ZNF532: variants seen among roughly 807,000 people sequenced by gnomAD.
The protein encoded by ZNF532 is zinc finger protein 532.
In ZNF532, 22 loss-of-function variants were observed where a neutral mutation model predicts 89.3. The observed-to-expected ratio is 0.25, with a 90% CI of 0.18 to 0.35. ZNF532 has a LOEUF of 0.35. Among genes scored for constraint, ZNF532 ranks in the 10% least tolerant of loss-of-function variants. The probability of loss-of-function intolerance (pLI) is 1.00; values close to 1 mark genes in which losing one functional copy is unlikely to be tolerated. For synonymous variants in ZNF532, 606 were observed against 649.6 expected (o/e 0.93, Z 1.02); for missense variants, 1,132 against 1,643.4 (o/e 0.69, Z 5.38).
intron 7 of ZNF532, among the ~76,000 whole-genome samples, chr18:58,960,725 AG>A (rs1402861898): frequency 1.3e-5 from 2 of 152,104 alleles, no homozygotes; most frequent in Non-Finnish European, 2.9e-5. Flanking sequence ...GTAGTGCAGG[AG>A]GGCCTGGGTG....
chr18:58,938,507 G>C (rs1313355561), intron 4 of ZNF532, among the ~76,000 whole-genome samples: 2 of 152,192 alleles, frequency 1.3e-5, no homozygotes, highest in East Asian at 3.9e-4. Context: ...TTTTTTTAGA[G>C]ATGCTGAATT....
chr18:58,939,324 C>A, intron 4 of ZNF532, 121 bp from the exon 5 acceptor site: 108 of 350,338 alleles, frequency 3.1e-4, no homozygotes, highest in East Asian at 7.7e-4. Context: ...CTAAAATATA[C>A]TTCCGAAGGG....
rs553757693 is a variant in ZNF532 at position 58,885,824 on chromosome 18, A to C, written c.-18+20245A>C. 6.6e-5 allele frequency among the ~76,000 whole-genome samples: 10 copies of C among 150,650 alleles called. No homozygotes were observed. The South Asian group carries it at 1.9e-3, about 29-fold the overall frequency. On this transcript the variant is annotated intron_variant, in intron 2 of 9. Coordinates refer to ENST00000591808, the MANE Select transcript of ZNF532 (RefSeq NM_001375912.1). ...AGCCGAAATCGCATCATCGTACTCCAGCCTGGGTCGAGACAATGTCTCAAA... is the reference window on the plus strand; with the variant it reads ...AGCCGAAATCGCATCATCGTACTCCCGCCTGGGTCGAGACAATGTCTCAAA...
chr18:58,974,855 A>G (rs1395341179), intron 7 of ZNF532, among the ~76,000 whole-genome samples: 1 of 152,188 alleles, frequency 6.6e-6, no homozygotes, highest in African/African-American at 2.4e-5. Context: ...GGTAAAGTGC[A>G]GTGTTTTTTG....
At chr18:58,952,999 C>A (rs2064370560) in intron 6 of ZNF532, among the ~76,000 whole-genome samples, 1 of 152,190 alleles carries the variant, frequency 6.6e-6, no homozygotes, top group East Asian at 1.9e-4. Flanking sequence ...AGCAAAAACC[C>A]AGACTGTTAC....
At chr18:58,940,958 A>ACT (rs2062954291) in intron 5 of ZNF532, among the ~76,000 whole-genome samples, 1 of 131,702 alleles carries the variant, frequency 7.6e-6, no homozygotes, top group African/African-American at 2.8e-5. Context: ...ACACACACAC[A>ACT]CTCTTTCTCT....
chr18:58,979,295 T>C, intron 8 of ZNF532, 128 bp downstream of exon 8: 1 of 583,672 alleles, frequency 1.7e-6, no homozygotes, highest in Non-Finnish European at 2.9e-6. Flanking sequence ...AATTGTATTA[T>C]TGTTTTGGCA....
chr18:58,937,152 T>C (rs4940432), intron 4 of ZNF532, among the ~76,000 whole-genome samples: 78,143 of 152,092 alleles, frequency 0.51, 21,464 homozygotes, highest in African/African-American at 0.69. Context: ...ATACTGTAAA[T>C]ATTTTTTTTA....
chr18:58,934,288 G>T, intron 3 of ZNF532, 145 bp from the exon 4 acceptor site: 1 of 696,850 alleles, frequency 1.4e-6, no homozygotes, highest in Non-Finnish European at 2.4e-6. Context: ...TAACTTTCAA[G>T]TTGGCTTTTC....
At chr18:58,890,228 G>GAA (rs1379048690) in intron 2 of ZNF532, among the ~76,000 whole-genome samples, 2 of 150,358 alleles carry the variant, frequency 1.3e-5, no homozygotes, top group African/African-American at 2.4e-5. Context: ...GCCTGGGGAG[G>GAA]AAAAATATAT....
intron 2 of ZNF532, among the ~76,000 whole-genome samples, chr18:58,880,138 CAGG>C (rs1393603796): frequency 6.6e-6 from 1 of 152,052 alleles, no homozygotes; most frequent in African/African-American, 2.4e-5. Flanking sequence ...GAACACTTAC[CAGG>C]AGAAGAAAGT....
At chr18:58,920,735 CG>C (rs1257786995) in intron 3 of ZNF532, 102 bp downstream of exon 3, 2 of 419,294 alleles carry the variant, frequency 4.8e-6, no homozygotes, top group Admixed American at 3.8e-5. Context: ...GTGAAATGGA[CG>C]TGTGTGTGTG....
chr18:58,927,305 C>A (rs2061604521), intron 3 of ZNF532, among the ~76,000 whole-genome samples: 1 of 152,064 alleles, frequency 6.6e-6, no homozygotes, highest in Non-Finnish European at 1.5e-5. Flanking sequence ...TTGGCTGCAC[C>A]TCTACTTTGC....
At position 58,948,001 on chromosome 18, in the gene ZNF532, A is replaced by G. The variant is rs573723245; in HGVS notation, c.2706-66A>G. On this transcript the variant is annotated intron_variant, in intron 5 of 9. Transcript: ENST00000591808. Reference sequence around the variant, plus strand: ...TCTGCCTCCCAAGTTCTTCAGCTATAAAGTAGCAGATCCTTTGACTTAAAG... The same window carrying G: ...TCTGCCTCCCAAGTTCTTCAGCTATGAAGTAGCAGATCCTTTGACTTAAAG... The G allele has an allele frequency of 1.2e-4, 179 of 1,485,664 alleles. 1 individual carries two copies. The East Asian group carries it at 2.2e-3, about 18-fold the overall frequency. The allele number at this position is 1,485,664 out of a possible 1,614,324, so 92.0% of individuals were successfully genotyped here. A position where few individuals can be genotyped will look rare whatever the true frequency, so the allele number is the denominator to read the frequency against.
At chr18:58,963,603 ATGTGTGTGTGTGTGTGTGTGTG>A (rs60644289) in intron 7 of ZNF532, among the ~76,000 whole-genome samples, 106 of 143,882 alleles carry the variant, frequency 7.4e-4, no homozygotes, top group African/African-American at 2.4e-3. Context: ...AAAGAAAAAA[ATGTGTGTGTGTGTGTGTGTGTG>A]TGTGTGTGTG....
rs2062217183 is a variant in ZNF532, at chr18:58,934,622, T to A, written c.2528+8T>A. ...GAGGAGAGTTGGTTTTCGGTCAGTATATCATTCACTTATGTGCAAGTAAAA... is the reference window on the plus strand; with the variant it reads ...GAGGAGAGTTGGTTTTCGGTCAGTAAATCATTCACTTATGTGCAAGTAAAA... On this transcript the variant is annotated splice_region_variant and intron_variant, in intron 4 of 9. Transcript: ENST00000591808. 1 of 1,611,094 alleles carries A rather than the reference T, an allele frequency of 6.2e-7. No individual in the cohort carries two copies. Among genetic ancestry groups the A allele is most frequent in the Non-Finnish European group, 8.5e-7 (1 of 1,178,378 alleles).
chr18:58,931,087 A>G (rs188764889), intron 3 of ZNF532, among the ~76,000 whole-genome samples: 1 of 152,352 alleles, frequency 6.6e-6, no homozygotes, highest in Admixed American at 6.5e-5. Context: ...GCCCTAGAAT[A>G]GAAATTAACT....
At chr18:58,983,894 A>G in intron 9 of ZNF532, 78 bp from the exon 10 acceptor site, 1 of 1,517,070 alleles carries the variant, frequency 6.6e-7, no homozygotes, top group South Asian at 1.3e-5. Context: ...GGCAGCTCTA[A>G]AGTAAGAGAA....
At chr18:58,881,402 G>A (rs2057915543) in intron 2 of ZNF532, among the ~76,000 whole-genome samples, 1 of 152,054 alleles carries the variant, frequency 6.6e-6, no homozygotes, top group African/African-American at 2.4e-5. Flanking sequence ...CAAAGTGCTG[G>A]GATTACACGC....
Sources: allele counts gnomAD v4.1 joint callset (sites outside exome capture counted in the v4.1 genomes callset), GRCh38; gene constraint gnomAD v4.1.1; transcripts MANE v1.5; gene names NCBI Gene and HGNC (gene_info 2026-07-23, HGNC 2026-07-21).